SEPTIN8: variants seen among roughly 807,000 people sequenced by gnomAD.
SEPTIN8 encodes septin 8, also known as septin-8.
SEPTIN8 carries 22 observed loss-of-function variants against 53.1 expected under a neutral mutation model. That is an observed-to-expected ratio of 0.41 (90% CI 0.30 to 0.59). SEPTIN8 has a LOEUF of 0.59. Among genes scored for constraint, SEPTIN8 ranks in the 20% least tolerant of loss-of-function variants. The pLI is 0.24. For synonymous variants in SEPTIN8, 228 were observed against 248.4 expected, an observed-to-expected ratio of 0.92 and a Z score of 0.77; for missense variants, 536 against 638.7, an observed-to-expected ratio of 0.84 and a Z score of 1.73.
At chr5:132,766,167 C>A (rs2149983795) in intron 1 of SEPTIN8, among the ~76,000 whole-genome samples, 1 of 152,326 alleles carries the variant, frequency 6.6e-6, no homozygotes, top group East Asian at 1.9e-4. Context: ...TCACACAACC[C>A]CCCCGTGGGG....
In SEPTIN8 at chr5:132,752,224, G is replaced by A. The variant is rs369479594; in HGVS notation, c.1287-43C>T. On this transcript the variant is annotated intron_variant, in intron 9 of 9. Coordinates refer to ENST00000378719, the MANE Select transcript of SEPTIN8 (RefSeq NM_001098811.2). ...AGACATCAACTTTGCCCCAGACCAG[G>A]CTCTGTGTTTTGCCCCTTTAGCTGA... 21 of 1,543,152 alleles carry A rather than the reference G, an allele frequency of 1.4e-5. No homozygotes were observed. In the African/African-American group the frequency reaches 2.3e-4, roughly 17 times the overall value.
intron 1 of SEPTIN8, among the ~76,000 whole-genome samples, chr5:132,771,598 T>C (rs998464779): frequency 4.6e-5 from 7 of 152,262 alleles, no homozygotes; most frequent in African/African-American, 1.4e-4. Flanking sequence ...AGCAATGGAC[T>C]CAGGAGTCAA....
intron 9 of SEPTIN8, chr5:132,758,698 T>G: frequency 6.2e-7 from 1 of 1,602,196 alleles, no homozygotes; most frequent in Non-Finnish European, 8.5e-7. Context: ...AACACTGGAG[T>G]CTGTACCGGC....
chr5:132,775,323 G>A (rs906838502), intron 1 of SEPTIN8, among the ~76,000 whole-genome samples: 3 of 152,144 alleles, frequency 2.0e-5, no homozygotes, highest in African/African-American at 7.2e-5. Context: ...CAGGGCAAAT[G>A]CATCCTCTGC....
rs552691447 is a variant in SEPTIN8 at position 132,768,690 on chromosome 5, C to T, written c.31-3161G>A. Among the ~76,000 whole-genome samples the T allele has an allele frequency of 1.4e-4, 22 of 152,340 alleles. No homozygotes were observed. The South Asian group carries it at 2.1e-3, about 14-fold the overall frequency. On this transcript the variant is annotated intron_variant, in intron 1 of 9. Transcript: ENST00000378719. ...AACTCCCAGGGTGGGAGCCCATCAG[C>T]GTGATGCCATGATCGGTGCAAGTAC...
chr5:132,756,218 T>C (rs1755325914), intron 9 of SEPTIN8: 1 of 985,254 alleles, frequency 1.0e-6, no homozygotes, highest in African/African-American at 1.7e-5. Context: ...CACAAACATA[T>C]GCAGTCAGTA....
chr5:132,759,386 C>G lies in SEPTIN8; in HGVS notation c.1286+1416G>C, dbSNP rs529584127. Reference sequence around the variant, plus strand: ...ACCAGACACCAGTGACAAGCCCCCACCCCGAGGGCTGTGCTGGTGTCCTTT... The same window carrying G: ...ACCAGACACCAGTGACAAGCCCCCAGCCCGAGGGCTGTGCTGGTGTCCTTT... On this transcript the variant is annotated intron_variant, in intron 9 of 9. Coordinates refer to ENST00000378719, the MANE Select transcript of SEPTIN8 (RefSeq NM_001098811.2). Among the ~76,000 whole-genome samples, 16 of 152,332 alleles carry G rather than the reference C, an allele frequency of 1.1e-4. No homozygotes were observed. The East Asian group carries it at 3.1e-3, about 29-fold the overall frequency.
chr5:132,755,766 C>T (rs903634889), intron 9 of SEPTIN8, among the ~76,000 whole-genome samples: 1 of 152,332 alleles, frequency 6.6e-6, no homozygotes, highest in Admixed American at 6.5e-5. Context: ...CCACAGGCTG[C>T]CCCTTTACCT....
upstream of SEPTIN8, chr5:132,777,558 C>A (rs1038768040): frequency 6.2e-6 from 6 of 971,486 alleles, no homozygotes; most frequent in Non-Finnish European, 7.3e-6. The surrounding 1 kb of genome is among the most constrained non-coding windows in gnomAD (Gnocchi z 4.1). Flanking sequence ...CTCCTGGGTC[C>A]GCGCGCTGGA....
chr5:132,752,255 T>A (rs1466586404), intron 9 of SEPTIN8, 74 bp from the exon 10 acceptor site: 2 of 1,509,262 alleles, frequency 1.3e-6, no homozygotes, highest in East Asian at 2.5e-5. Context: ...GCTGACACAC[T>A]CTGACCCCAA....
At chr5:132,762,703 C>T in intron 4 of SEPTIN8, 58 bp from the exon 5 acceptor site, 3 of 1,571,748 alleles carry the variant, frequency 1.9e-6, no homozygotes, top group Non-Finnish European at 2.6e-6. Context: ...CGGTGGTTCC[C>T]ATGCCATGCC....
intron 1 of SEPTIN8, among the ~76,000 whole-genome samples, chr5:132,768,444 C>T (rs562646181): frequency 6.6e-6 from 1 of 152,302 alleles, no homozygotes; most frequent in East Asian, 1.9e-4. Context: ...ATGCCAACTC[C>T]CTGATCATAG....
chr5:132,752,038 G>A lies in SEPTIN8; in HGVS notation c.1430C>T (p.Thr477Met), dbSNP rs780414471. ...GCCTCAGAGGAATCCTTCCCTCCAC[G>A]TCGCATCCCTGACCAGGCAGCTGCA... ...QCCSCLVRDA[T>M]WREGFL The change falls in exon 10 of 10, where the codon ACG (threonine) becomes ATG (methionine). Residue 477 changes from threonine to methionine, a missense_variant. Physicochemically the swap from Thr to Met is moderately conservative, Grantham distance 81. Around this residue, in one of 3 missense-constraint regions of SEPTIN8, gnomAD observed 133 missense variants for 157.4 expected, o/e 0.84. Transcript: ENST00000378719. 11 of 1,611,346 alleles carry A rather than the reference G, an allele frequency of 6.8e-6. No individual in the cohort carries two copies. The highest frequency in any genetic ancestry group is 2.2e-5 in the East Asian group (1 of 44,856).
intron 1 of SEPTIN8, among the ~76,000 whole-genome samples, chr5:132,769,642 T>A (rs1756966626): frequency 6.6e-6 from 1 of 151,986 alleles, no homozygotes; most frequent in Non-Finnish European, 1.5e-5. Context: ...CCCCATTGTC[T>A]AGATGAGACA....
chr5:132,762,573 T>C lies in SEPTIN8; in HGVS notation c.607A>G (p.Ile203Val). 1 of 1,614,222 alleles carries C rather than the reference T, an allele frequency of 6.2e-7. No homozygotes were observed. The highest frequency in any genetic ancestry group is 8.5e-7 in the Non-Finnish European group (1 of 1,180,010). Residue 203 changes from isoleucine to valine, a missense_variant, in exon 5 of 10, where the codon ATC (isoleucine) becomes GTC (valine). Coordinates refer to ENST00000378719, the MANE Select transcript of SEPTIN8 (RefSeq NM_001098811.2). ...KSELHKFKIKIMGELVSNGVQ... is the reference protein window; with the variant it reads ...KSELHKFKIKVMGELVSNGVQ... ...CCGTTGCTGACCAACTCGCCCATGATCTTGATCTTGAACTTGTGGAGCTCG... is the reference window on the plus strand; with the variant it reads ...CCGTTGCTGACCAACTCGCCCATGACCTTGATCTTGAACTTGTGGAGCTCG...
chr5:132,772,345 C>A (rs1465612564), intron 1 of SEPTIN8, among the ~76,000 whole-genome samples: 7 of 152,206 alleles, frequency 4.6e-5, no homozygotes, highest in African/African-American at 1.4e-4. Flanking sequence ...CCACCCCAAC[C>A]CCCAGGCCTA....
chr5:132,763,079 T>G (rs1330968176), intron 4 of SEPTIN8, among the ~76,000 whole-genome samples: 1 of 152,194 alleles, frequency 6.6e-6, no homozygotes, highest in Non-Finnish European at 1.5e-5. Flanking sequence ...TATCCCGTTT[T>G]TTACAATAAA....
rs879495753 is a variant in SEPTIN8, at chr5:132,776,945, G to A, written c.30+163C>T. Among the ~76,000 whole-genome samples the A allele has an allele frequency of 8.6e-5, 13 of 152,020 alleles. No homozygotes were observed. Among genetic ancestry groups the A allele is most frequent in the Non-Finnish European group, 1.6e-4 (11 of 67,980 alleles). On this transcript the variant is annotated intron_variant, in intron 1 of 9. Coordinates refer to ENST00000378719, the MANE Select transcript of SEPTIN8 (RefSeq NM_001098811.2). The surrounding 1 kb of genome is among the most constrained non-coding windows in gnomAD (Gnocchi z 4.4). The stretch of plus-strand genomic sequence containing the variant: ...GCCGCCCGACGCTCCGGGACCCCCC[G>A]ATAGCGCGGCCGAGAGCCCGCGCCG...
At chr5:132,769,493 G>A (rs1253152808) in intron 1 of SEPTIN8, among the ~76,000 whole-genome samples, 1 of 152,160 alleles carries the variant, frequency 6.6e-6, no homozygotes, top group Non-Finnish European at 1.5e-5. Context: ...ACATATATAG[G>A]TGAAGGGGAG....
Sources: allele counts gnomAD v4.1 joint callset (sites outside exome capture counted in the v4.1 genomes callset), GRCh38; gene constraint gnomAD v4.1.1; regional missense constraint gnomAD v4.1.1; non-coding constraint Gnocchi (gnomAD v3.1); transcripts MANE v1.5; gene names NCBI Gene and HGNC (gene_info 2026-07-23, HGNC 2026-07-21).